ACADL: variants seen among roughly 807,000 people sequenced by gnomAD.
The protein encoded by ACADL is acyl-CoA dehydrogenase long chain.
Under a neutral mutation model 56.9 loss-of-function variants are expected in ACADL, and 60 were observed. The observed-to-expected ratio is 1.05, with a 90% CI of 0.86 to 1.31. ACADL has a LOEUF of 1.31. Ranked by LOEUF, ACADL falls within the 50% of genes most tolerant of loss-of-function variation. The pLI is 0.00. For missense variants in ACADL, 484 were observed against 525.5 expected (o/e 0.92, Z 0.77); for synonymous variants, 158 against 179.7 (o/e 0.88, Z 0.97).
Position 210,195,278 on chromosome 2 carries a change from C to T in ACADL, c.1045G>A (p.Asp349Asn). ...GCTTCATGCAGCTGGAGACAGTTGTCCACAAATGCTCGGGTTACACATATA... is the reference window on the plus strand; with the variant it reads ...GCTTCATGCAGCTGGAGACAGTTGTTCACAAATGCTCGGGTTACACATATA... ...THICVTRAFVDNCLQLHEAKR... is the reference protein window; with the variant it reads ...THICVTRAFVNNCLQLHEAKR... The change falls in exon 9 of 11, where the codon GAC (aspartate) becomes AAC (asparagine). Residue 349 changes from aspartate (D) to asparagine (N), a missense_variant. Coordinates refer to ENST00000233710, the MANE Select transcript of ACADL (RefSeq NM_001608.4). 6.2e-7 allele frequency: 1 copy of T among 1,613,840 alleles called. No individual in the cohort carries two copies.
At position 210,225,051 on chromosome 2, in the gene ACADL, TAG is replaced by T; in HGVS notation, c.77+134_77+135del. The T allele has an allele frequency of 2.7e-6, 4 of 1,492,586 alleles. No homozygotes were observed. The African/African-American group carries it at 5.8e-5, about 22-fold the overall frequency. 92.5% of individuals were successfully genotyped at this position (1,492,586 alleles called of 1,614,324 possible). ...GGGATCCAGGAAAGGAGGCCAGCTC[TAG>T]CCCGGCGCCGGAGTTGGGGAGCACT... On this transcript the variant is annotated intron_variant, in intron 1 of 10. Coordinates refer to ENST00000233710, the MANE Select transcript of ACADL (RefSeq NM_001608.4).
intron 2 of ACADL, 44 bp downstream of exon 2, chr2:210,220,603 A>G: frequency 6.3e-7 from 1 of 1,579,714 alleles, no homozygotes; most frequent in Non-Finnish European, 8.7e-7. Context: ...TGGTCCTATA[A>G]TACCCCTAGT....
At chr2:210,211,581 A>G (rs1159314071) in intron 4 of ACADL, among the ~76,000 whole-genome samples, 1 of 152,046 alleles carries the variant, frequency 6.6e-6, no homozygotes, top group East Asian at 1.9e-4. Flanking sequence ...AAAAGTGTGT[A>G]TGTAGCACAT....
chr2:210,219,129 G>C (rs1039814141), intron 2 of ACADL, among the ~76,000 whole-genome samples: 4 of 152,134 alleles, frequency 2.6e-5, no homozygotes, highest in Non-Finnish European at 4.4e-5. Context: ...TTTGAATACA[G>C]TTCTTGCTTA....
rs1688585734 is a variant in ACADL, at chr2:210,188,759, C to T, written c.*202G>A. On this transcript the variant is annotated 3_prime_UTR_variant, in exon 11 of 11. Coordinates refer to ENST00000233710, the MANE Select transcript of ACADL (RefSeq NM_001608.4). ...CTACATAAAAAACTGTAAGTTAAACCTTATATTGGAAAACTAGAATTTTGG... is the reference window on the plus strand; with the variant it reads ...CTACATAAAAAACTGTAAGTTAAACTTTATATTGGAAAACTAGAATTTTGG... 1 of 509,234 alleles carries T rather than the reference C, an allele frequency of 2.0e-6. No homozygotes were observed. The highest frequency in any genetic ancestry group is 3.5e-6 in the Non-Finnish European group (1 of 285,020). The allele number at this position is 509,234 out of a possible 1,614,324, so 31.5% of individuals were successfully genotyped here.
At position 210,188,808 on chromosome 2, in the gene ACADL, G is replaced by A; in HGVS notation, c.*153C>T. The A allele has an allele frequency of 3.1e-6, 2 of 648,116 alleles. No individual in the cohort carries two copies. Among genetic ancestry groups the A allele is most frequent in the South Asian group, 1.7e-5 (1 of 57,626 alleles). The allele number at this position is 648,116 out of a possible 1,614,324, so 40.1% of individuals were successfully genotyped here. ...GGCTTCAAAGATTTGTCCTTCCACT[G>A]TGTTAATCTTATATTTATATTTTAT... On this transcript the variant is annotated 3_prime_UTR_variant, in exon 11 of 11. Transcript: ENST00000233710.
intron 1 of ACADL, chr2:210,224,503 G>A: frequency 1.0e-6 from 1 of 985,302 alleles, no homozygotes; most frequent in Non-Finnish European, 1.2e-6. Flanking sequence ...TTATGCATCA[G>A]ACAGTATCTG....
chr2:210,224,652 G>C, intron 1 of ACADL: 1 of 985,774 alleles, frequency 1.0e-6, no homozygotes, highest in African/African-American at 1.7e-5. Context: ...CCCTCGCCAG[G>C]TCATTTCTAG....
At chr2:210,195,395 A>C in intron 8 of ACADL, 57 bp from the exon 9 acceptor site, 3 of 1,531,122 alleles carry the variant, frequency 2.0e-6, no homozygotes, top group Non-Finnish European at 2.7e-6. Context: ...ATAAACTTCA[A>C]CCCACTTAAC....
chr2:210,198,160 T>G (rs555413885), intron 8 of ACADL, among the ~76,000 whole-genome samples: 2 of 152,196 alleles, frequency 1.3e-5, no homozygotes, highest in Non-Finnish European at 2.9e-5. Context: ...TAAAAATTAT[T>G]CTGAAGTTAC....
rs914980802 is a variant in ACADL, at chr2:210,218,002, C to T, written c.334G>A (p.Gly112Arg). ...ACAATAGCTGCGGAGTACAGATCCC[C>T]TCCAATTCCACCAAGATGCTCTGCA... ...NIAEHLGGIG[G>R]DLYSAAIVWE... The change falls in exon 3 of 11, where the codon GGG becomes AGG. Residue 112 changes from glycine to arginine, a missense_variant. Transcript: ENST00000233710. 1.2e-6 allele frequency: 2 copies of T among 1,613,928 alleles called. No homozygotes were observed. Among genetic ancestry groups the T allele is most frequent in the African/African-American group, 1.3e-5 (1 of 74,870 alleles).
chr2:210,222,356 C>T (rs745963277), intron 1 of ACADL, among the ~76,000 whole-genome samples: 4 of 151,592 alleles, frequency 2.6e-5, no homozygotes, highest in Non-Finnish European at 5.9e-5. Flanking sequence ...CAGAGGTTGC[C>T]GTATGAAATA....
In ACADL at chr2:210,224,346, G is replaced by A. The variant is rs549919334; in HGVS notation, c.77+841C>T. The A allele has an allele frequency of 1.4e-4, 137 of 975,816 alleles. No individual in the cohort carries two copies. The African/African-American group carries it at 2.2e-3, about 16-fold the overall frequency. 60.4% of individuals were successfully genotyped at this position (975,816 alleles called of 1,614,324 possible). On this transcript the variant is annotated intron_variant, in intron 1 of 10. Transcript: ENST00000233710. Reference sequence around the variant, plus strand: ...AGTGACGTCTTCCCAAATCTCCCCAGGAAAAGTAGGCATTTTGTTTCATAG... The same window carrying A: ...AGTGACGTCTTCCCAAATCTCCCCAAGAAAAGTAGGCATTTTGTTTCATAG...
chr2:210,222,434 A>G (rs1689190206), intron 1 of ACADL, among the ~76,000 whole-genome samples: 1 of 148,868 alleles, frequency 6.7e-6, no homozygotes. Flanking sequence ...AGGCCTGAGG[A>G]TTGCTTGAGC....
Position 210,203,405 on chromosome 2 carries a change from C to G in ACADL, c.910G>C (p.Glu304Gln), listed in dbSNP as rs750962101. ...LIADVAISAS[E>Q]FMFEETRNYV... ...TTCCTGGTTTCTTCAAACATGAATT[C>G]ACTAGCTGAAATTGCCACATCAGCA... Residue 304 changes from glutamate (E) to glutamine (Q), a missense_variant, in exon 8 of 11, where the codon GAA becomes CAA. By Grantham distance (29) the Glu-to-Gln change is conservative. Coordinates refer to ENST00000233710, the MANE Select transcript of ACADL (RefSeq NM_001608.4). 8 of 1,610,086 alleles carry G rather than the reference C, an allele frequency of 5.0e-6. No homozygotes were observed. In the African/African-American group the frequency reaches 1.1e-4, roughly 22 times the overall value.
At position 210,204,572 on chromosome 2, in the gene ACADL, A is replaced by T. The variant is rs1198421095; in HGVS notation, c.870+9T>A. The T allele has an allele frequency of 6.4e-7, 1 of 1,559,294 alleles. No individual in the cohort carries two copies. The highest frequency in any genetic ancestry group is 2.2e-5 in the East Asian group (1 of 44,540). ...CAGTCAAAAGATGGAATCTTTAAAC[A>T]CTTCTGACCTGTGGAAGCTCTTTCA... On this transcript the variant is annotated intron_variant, in intron 7 of 10. Coordinates refer to ENST00000233710, the MANE Select transcript of ACADL (RefSeq NM_001608.4).
intron 4 of ACADL, 122 bp downstream of exon 4, chr2:210,216,225 T>G (rs576648987): frequency 2.9e-6 from 3 of 1,037,464 alleles, no homozygotes; most frequent in Non-Finnish European, 4.5e-6. Context: ...AGGTCATGAA[T>G]TATCCCGTGT....
intron 4 of ACADL, among the ~76,000 whole-genome samples, chr2:210,214,509 A>AAGAAAAAG (rs1553690970): frequency 1.6e-4 from 3 of 18,894 alleles, no homozygotes; most frequent in African/African-American, 2.5e-4. Context: ...GAAAGAAAGA[A>AAGAAAAAG]AAAGAAAGAA....
At chr2:210,193,694 G>A (rs904965535) in intron 9 of ACADL, among the ~76,000 whole-genome samples, 1 of 151,518 alleles carries the variant, frequency 6.6e-6, no homozygotes, top group Non-Finnish European at 1.5e-5. Context: ...TAGTGATGGA[G>A]TCTCACCCAC....
Sources: gnomAD v4.1 joint callset for allele counts (sites outside exome capture counted in the v4.1 genomes callset) on GRCh38, gnomAD v4.1.1 for gene constraint, MANE v1.5 for transcripts, NCBI Gene and HGNC (gene_info 2026-07-23, HGNC 2026-07-21) for gene names.